The following HIVEP3 variants were observed in gnomAD, a reference collection of about 807,000 sequenced individuals.
The protein encoded by HIVEP3 is HIVEP zinc finger 3.
HIVEP3 carries 49 observed loss-of-function variants against 152.8 expected under a neutral mutation model. The observed-to-expected ratio is 0.32, with a 90% CI of 0.26 to 0.41. The LOEUF (loss-of-function observed/expected upper bound fraction) is 0.41. HIVEP3 is among the 10% of genes least tolerant of loss of function. HIVEP3 has a pLI of 1.00. For synonymous variants in HIVEP3, 1,269 were observed against 1,289.0 expected, an observed-to-expected ratio of 0.98 and a Z score of 0.33; for missense variants, 2,790 against 3,103.3, an observed-to-expected ratio of 0.90 and a Z score of 2.40.
chr1:41,897,791 G>T (rs964214116), intron 1 of HIVEP3, among the ~76,000 whole-genome samples: 2 of 152,118 alleles, frequency 1.3e-5, no homozygotes, highest in African/African-American at 4.8e-5. Flanking sequence ...TGTGGTCATG[G>T]AGAGAATCTT....
chr1:41,977,723 A>G (rs1645268315), intron 1 of HIVEP3, among the ~76,000 whole-genome samples: 1 of 152,232 alleles, frequency 6.6e-6, no homozygotes, highest in Non-Finnish European at 1.5e-5. Flanking sequence ...GACCCACAGC[A>G]TAAGTGACAC....
At chr1:41,889,600 G>C (rs1644414912) in intron 1 of HIVEP3, among the ~76,000 whole-genome samples, 1 of 152,168 alleles carries the variant, frequency 6.6e-6, no homozygotes, top group Middle Eastern at 3.2e-3. Flanking sequence ...GGGCTGCCAA[G>C]AGCAAAAATT....
chr1:41,728,348 G>A (rs1390343517), intron 1 of HIVEP3, among the ~76,000 whole-genome samples: 1 of 152,194 alleles, frequency 6.6e-6, no homozygotes, highest in Non-Finnish European at 1.5e-5. Flanking sequence ...CCCAGGGAGT[G>A]CCCAGCCTAG....
chr1:41,689,901 G>T (rs182770284), intron 2 of HIVEP3, among the ~76,000 whole-genome samples: 16 of 152,164 alleles, frequency 1.1e-4, no homozygotes, highest in Non-Finnish European at 2.4e-4. Context: ...TGTCGGCTCC[G>T]CCTCCCAGTC....
At chr1:41,674,457 A>C (rs1645923823) in intron 2 of HIVEP3, among the ~76,000 whole-genome samples, 1 of 152,136 alleles carries the variant, frequency 6.6e-6, no homozygotes. Context: ...GGAGTATTTC[A>C]AGGACGTGGG....
chr1:41,541,235 C>T (rs781715175), intron 5 of HIVEP3, among the ~76,000 whole-genome samples: 3 of 152,214 alleles, frequency 2.0e-5, no homozygotes, highest in Non-Finnish European at 4.4e-5. Context: ...TTTACTATTA[C>T]ACCTCCCAGC....
chr1:41,948,420 A>T (rs1442906155), intron 1 of HIVEP3, among the ~76,000 whole-genome samples: 1 of 152,226 alleles, frequency 6.6e-6, no homozygotes, highest in Admixed American at 6.5e-5. Context: ...TCAGGAAGCC[A>T]TTAGGAGATT....
intron 1 of HIVEP3, among the ~76,000 whole-genome samples, chr1:41,791,051 C>T (rs984908127): frequency 6.6e-5 from 10 of 151,990 alleles, no homozygotes; most frequent in African/African-American, 2.4e-4. Flanking sequence ...CATCATCTAA[C>T]CCCATTCCCT....
chr1:41,933,626 C>T (rs1409649878), intron 1 of HIVEP3, among the ~76,000 whole-genome samples: 2 of 152,080 alleles, frequency 1.3e-5, no homozygotes, highest in Non-Finnish European at 2.9e-5. Context: ...TGACAATCTC[C>T]ATCTTTTAAC....
chr1:41,682,833 C>A (rs913607729), intron 2 of HIVEP3, among the ~76,000 whole-genome samples: 1 of 152,140 alleles, frequency 6.6e-6, no homozygotes, highest in Non-Finnish European at 1.5e-5. Flanking sequence ...CTGGGCTTGG[C>A]CTGGGACTTA....
At chr1:41,990,174 C>T (rs1378369500) in intron 1 of HIVEP3, among the ~76,000 whole-genome samples, 22 of 111,884 alleles carry the variant, frequency 2.0e-4, no homozygotes, top group African/African-American at 2.8e-4. Flanking sequence ...TTCTCCTTCA[C>T]TTATGAAGCT....
intron 1 of HIVEP3, among the ~76,000 whole-genome samples, chr1:41,729,477 G>C (rs1646806465): frequency 6.6e-6 from 1 of 152,160 alleles, no homozygotes; most frequent in Admixed American, 6.5e-5. Flanking sequence ...GGTTTCCCAG[G>C]GTTCCCAAAC....
rs912010288 is a variant in HIVEP3 at position 42,026,009 on chromosome 1, G to A, written n.119+9798C>T. On this transcript the variant is annotated intron_variant and non_coding_transcript_variant, in intron 1 of 3. Transcript: ENST00000489103. ...CACTTGAACCCAGGAGGTTGAAGCT[G>A]CAGTGAGCCGTGATCGTGGCATTGT... Among the ~76,000 whole-genome samples, 11 of 151,942 alleles carry A rather than the reference G, an allele frequency of 7.2e-5. No individual in the cohort carries two copies. The East Asian group carries it at 2.1e-3, about 29-fold the overall frequency.
At chr1:42,002,466 G>A (rs895387780) in intron 1 of HIVEP3, among the ~76,000 whole-genome samples, 3 of 152,208 alleles carry the variant, frequency 2.0e-5, no homozygotes, top group Admixed American at 6.5e-5. Context: ...CCCTGTACCT[G>A]TCCAGGTGCC....
At position 41,918,089 on chromosome 1, in the gene HIVEP3, C is replaced by T. The variant is rs1275557636; in HGVS notation, c.-801+324G>A. ...CTGCAAGCAGCGCTGGAGCGCACGG[C>T]GCGCATAGGGTTACAGCCCCGCCGC... On this transcript the variant is annotated intron_variant, in intron 1 of 8. Transcript: ENST00000372583. This position sits in a 1 kb window ranked among gnomAD's most constrained non-coding sequence, Gnocchi z 4.3. Among the ~76,000 whole-genome samples the T allele has an allele frequency of 1.3e-5, 2 of 152,146 alleles. No individual in the cohort carries two copies. The highest frequency in any genetic ancestry group is 2.4e-5 in the African/African-American group (1 of 41,442).
At chr1:41,982,970 G>A (rs187268943) in intron 1 of HIVEP3, among the ~76,000 whole-genome samples, 1 of 152,140 alleles carries the variant, frequency 6.6e-6, no homozygotes, top group South Asian at 2.1e-4. Context: ...CGGTAGCAGG[G>A]GAACGGTTTC....
chr1:41,831,500 A>G (rs1222195899), intron 1 of HIVEP3, among the ~76,000 whole-genome samples: 1 of 152,228 alleles, frequency 6.6e-6, no homozygotes, highest in Non-Finnish European at 1.5e-5. Context: ...GGAGCTTCCC[A>G]GAGCATTTCA....
intron 5 of HIVEP3, chr1:41,535,729 C>T (rs1643381821): frequency 6.6e-6 from 1 of 152,160 alleles, no homozygotes; most frequent in African/African-American, 2.4e-5. Context: ...TAAACAACCC[C>T]TTGATCAGGA....
chr1:41,541,901 G>C (rs1193885320), intron 5 of HIVEP3, among the ~76,000 whole-genome samples: 1 of 152,130 alleles, frequency 6.6e-6, no homozygotes, highest in African/African-American at 2.4e-5. Context: ...ATTGTTTTTT[G>C]TATGTATGAT....
Sources: allele counts gnomAD v4.1 joint callset (sites outside exome capture counted in the v4.1 genomes callset), GRCh38; gene constraint gnomAD v4.1.1; non-coding constraint Gnocchi (gnomAD v3.1); transcripts MANE v1.5; gene names NCBI Gene and HGNC (gene_info 2026-07-23, HGNC 2026-07-21).